Variants in GLB1 observed in about 807,000 individuals in gnomAD.
The protein encoded by GLB1 is galactosidase beta 1, also known as beta-galactosidase.
Under a neutral mutation model 74.0 loss-of-function variants are expected in GLB1, and 56 were observed. The observed-to-expected ratio is 0.76, with a 90% confidence interval of 0.61 to 0.94. GLB1 has a LOEUF of 0.94. Among genes scored for constraint, GLB1 ranks in the 40% least tolerant of loss-of-function variants. The probability of loss-of-function intolerance (pLI) is 0.00; values close to 1 mark genes in which losing one functional copy is unlikely to be tolerated. For synonymous variants in GLB1, 323 were observed against 323.6 expected, an observed-to-expected ratio of 1.00 and a Z score of 0.02; for missense variants, 787 against 845.5, an observed-to-expected ratio of 0.93 and a Z score of 0.86.
chr3:32,965,036 C>T, the GLB1 span, among the ~76,000 whole-genome samples: 4 of 152,198 alleles, frequency 2.6e-5, no homozygotes, highest in African/African-American at 9.7e-5. Flanking sequence ...GCCTCCCTAG[C>T]CATGTGGAAC....
chr3:33,029,303 G>A (rs149533614), intron 10 of GLB1, among the ~76,000 whole-genome samples: 89 of 152,126 alleles, frequency 5.9e-4, no homozygotes, highest in African/African-American at 1.9e-3. Context: ...CATTCAACAC[G>A]GGAAGCTGCT....
At chr3:33,040,696 C>T (rs6805519) in intron 10 of GLB1, among the ~76,000 whole-genome samples, 125,484 of 152,070 alleles carry the variant, frequency 0.83, 53,014 homozygotes, top group Non-Finnish European at 0.92. Context: ...AAACAAGACA[C>T]CATGAACAAG....
At chr3:33,066,872 C>T (rs1273322434) in intron 4 of GLB1, among the ~76,000 whole-genome samples, 1 of 152,030 alleles carries the variant, frequency 6.6e-6, no homozygotes, top group African/African-American at 2.4e-5. Context: ...CATGAAGGTA[C>T]TGGAGTAAGA....
chr3:33,089,918 T>C (rs1047242417), intron 1 of GLB1, among the ~76,000 whole-genome samples: 1 of 152,086 alleles, frequency 6.6e-6, no homozygotes, highest in Non-Finnish European at 1.5e-5. Context: ...ACAAAAAAAA[T>C]GGTTAAGATA....
chr3:33,092,098 C>T, intron 1 of GLB1: 1 of 985,452 alleles, frequency 1.0e-6, no homozygotes, highest in Non-Finnish European at 1.2e-6. Flanking sequence ...GAGGCAAAGC[C>T]CTCTGAATTC....
intron 10 of GLB1, among the ~76,000 whole-genome samples, chr3:33,033,195 T>C (rs1340020918): frequency 6.6e-6 from 1 of 152,146 alleles, no homozygotes; most frequent in Non-Finnish European, 1.5e-5. Context: ...AGTACATGGG[T>C]TGTGGAGAAG....
Position 33,046,208 on chromosome 3 carries a change from T to G in GLB1, c.980A>C (p.Gln327Pro). The G allele has an allele frequency of 6.2e-7, 1 of 1,614,060 alleles. No homozygotes were observed. The highest frequency in any genetic ancestry group is 8.5e-7 in the Non-Finnish European group (1 of 1,180,002). ...GGCATCATAGTCGTAGCTGGTGGGCTGTGCTGCATAGGGTGAGTTGGCCCC... is the reference window on the plus strand; with the variant it reads ...GGCATCATAGTCGTAGCTGGTGGGCGGTGCTGCATAGGGTGAGTTGGCCCC... Reference protein sequence around the residue: ...WNGANSPYAAQPTSYDYDAPL... With the variant: ...WNGANSPYAAPPTSYDYDAPL... Residue 327 changes from glutamine to proline, a missense_variant, in exon 10 of 16, where the codon CAG (glutamine) becomes CCG (proline). Coordinates refer to ENST00000307363, the MANE Select transcript of GLB1 (RefSeq NM_000404.4).
At chr3:33,052,587 C>CTCACTGTAGTATGACTGTAGTATGTT (rs1559401821) in intron 7 of GLB1, 2 of 160,716 alleles carry the variant, frequency 1.2e-5, no homozygotes, top group East Asian at 3.5e-4. Context: ...GCTGAGATCG[C>CTCACTGTAGTATGACTGTAGTATGTT]GCCACTGTAC....
intron 4 of GLB1, among the ~76,000 whole-genome samples, chr3:33,066,883 C>T (rs1301945818): frequency 6.6e-6 from 1 of 150,860 alleles, no homozygotes; most frequent in African/African-American, 2.4e-5. Flanking sequence ...TGGAGTAAGA[C>T]AAAGAAAAAA....
intron 10 of GLB1, among the ~76,000 whole-genome samples, chr3:33,040,297 G>T (rs868797441): frequency 1.3e-5 from 2 of 152,040 alleles, no homozygotes; most frequent in Non-Finnish European, 2.9e-5. Context: ...ATGTTCCCTG[G>T]TACCTGCCAG....
intron 1 of GLB1, among the ~76,000 whole-genome samples, chr3:33,077,758 C>T (rs1468965186): frequency 4.0e-5 from 6 of 150,554 alleles, no homozygotes; most frequent in South Asian, 2.1e-4. Context: ...GGAAAAATAC[C>T]GATTCTGTAA....
intron 10 of GLB1, among the ~76,000 whole-genome samples, chr3:33,039,367 G>C (rs1246016807): frequency 6.7e-6 from 1 of 150,304 alleles, no homozygotes; most frequent in African/African-American, 2.5e-5. Flanking sequence ...ATAATCTGAA[G>C]AAAGCTTAAA....
Position 33,079,875 on chromosome 3 carries a change from G to A in GLB1, c.76-7162C>T, listed in dbSNP as rs189786378. 1.3e-4 allele frequency among the ~76,000 whole-genome samples: 20 copies of A among 152,176 alleles called. No individual in the cohort carries two copies. In the East Asian group the frequency reaches 3.5e-3, roughly 27 times the overall value. On this transcript the variant is annotated intron_variant, in intron 1 of 15. Coordinates refer to ENST00000307363, the MANE Select transcript of GLB1 (RefSeq NM_000404.4). ...TGGCTCACTGCAGCCTTGACCTCCTGGGCTCAAGCGATCCTCCCACCTCTG... is the reference window on the plus strand; with the variant it reads ...TGGCTCACTGCAGCCTTGACCTCCTAGGCTCAAGCGATCCTCCCACCTCTG...
At chr3:33,095,515 C>T (rs1344999940) in intron 1 of GLB1, among the ~76,000 whole-genome samples, 1 of 152,136 alleles carries the variant, frequency 6.6e-6, no homozygotes, top group African/African-American at 2.4e-5. Context: ...TAGCTGTGGG[C>T]ACAGAAGCCC....
chr3:33,054,393 C>T lies in GLB1; in HGVS notation c.734-844G>A, dbSNP rs78739623. ...CATTGCTTCCTCTCTGAGGAGGTCC[C>T]CGTGGCCTTTCCTGTCTGCACAAGA... On this transcript the variant is annotated intron_variant, in intron 6 of 15. Transcript: ENST00000307363. Among the ~76,000 whole-genome samples the T allele has an allele frequency of 5.8e-3, 883 of 152,194 alleles. 7 individuals carry two copies. Among genetic ancestry groups the T allele is most frequent in the African/African-American group, 0.02 (843 of 41,518 alleles).
chr3:33,071,032 G>A (rs1699869479), intron 2 of GLB1, among the ~76,000 whole-genome samples: 1 of 152,136 alleles, frequency 6.6e-6, no homozygotes, highest in Admixed American at 6.5e-5. Context: ...GGAATCATGT[G>A]GCAGGAGGTA....
At chr3:33,022,772 C>T (rs1697552437) in intron 11 of GLB1, among the ~76,000 whole-genome samples, 1 of 151,764 alleles carries the variant, frequency 6.6e-6, no homozygotes, top group African/African-American at 2.4e-5. Flanking sequence ...GTTGGCCAGG[C>T]TGGTCTTGAA....
the GLB1 span, among the ~76,000 whole-genome samples, chr3:32,972,116 C>G: frequency 6.6e-6 from 1 of 152,110 alleles, no homozygotes; most frequent in African/African-American, 2.4e-5. Flanking sequence ...TATGGGCCAG[C>G]TACCTGGTTG....
At chr3:33,046,436 T>TA (rs1698743251) in intron 9 of GLB1, among the ~76,000 whole-genome samples, 1 of 152,096 alleles carries the variant, frequency 6.6e-6, no homozygotes, top group Admixed American at 6.5e-5. Context: ...CCAGGCACCT[T>TA]AGAGTTTACC....
Sources: gnomAD v4.1 joint callset for allele counts (sites outside exome capture counted in the v4.1 genomes callset) on GRCh38, gnomAD v4.1.1 for gene constraint, MANE v1.5 for transcripts, NCBI Gene and HGNC (gene_info 2026-07-23, HGNC 2026-07-21) for gene names.